Variants in B4GALNT2 observed in about 807,000 individuals in gnomAD.
B4GALNT2 encodes the protein beta-1,4-N-acetyl-galactosaminyltransferase 2 (SID blood group), also known as N-acetylneuraminylgalactosylglucosyl-glucoside beta-1,4-N- acetylgalactosaminyltransferase 2.
B4GALNT2 carries 42 observed loss-of-function variants against 51.1 expected under a neutral mutation model. The observed-to-expected ratio is 0.82, with a 90% CI of 0.64 to 1.06. The LOEUF (loss-of-function observed/expected upper bound fraction) is 1.06. Among genes scored for constraint, B4GALNT2 ranks in the 50% least tolerant of loss-of-function variants. The probability of loss-of-function intolerance (pLI) is 0.00; values close to 1 mark genes in which losing one functional copy is unlikely to be tolerated. For missense variants in B4GALNT2, 602 were observed against 633.6 expected, an observed-to-expected ratio of 0.95 and a Z score of 0.54; for synonymous variants, 253 against 251.7, an observed-to-expected ratio of 1.01 and a Z score of -0.05.
At chr17:49,143,401 G>A (rs2042664317) in intron 3 of B4GALNT2, among the ~76,000 whole-genome samples, 1 of 152,240 alleles carries the variant, frequency 6.6e-6, no homozygotes, top group African/African-American at 2.4e-5. Context: ...CAAATCCATA[G>A]GTGGTAGGAT....
intron 3 of B4GALNT2, among the ~76,000 whole-genome samples, chr17:49,150,960 A>G (rs1467562059): frequency 2.6e-5 from 4 of 152,150 alleles, no homozygotes; most frequent in Non-Finnish European, 4.4e-5. Context: ...TGCCTTTTTC[A>G]TATTACCGTA....
intron 3 of B4GALNT2, chr17:49,148,625 C>A: frequency 1.9e-6 from 1 of 537,280 alleles, no homozygotes; most frequent in Non-Finnish European, 3.5e-6. Context: ...TCCAGGCAAA[C>A]CGTTCCTGCA....
chr17:49,133,017 C>A (rs537781378), intron 1 of B4GALNT2: 3 of 1,477,424 alleles, frequency 2.0e-6, no homozygotes, highest in South Asian at 2.9e-5. Context: ...GAACTCTGCA[C>A]CCCCAGGAAT....
At chr17:49,132,213 C>T (rs898345614), upstream of B4GALNT2, among the ~76,000 whole-genome samples, 18 of 152,174 alleles carry the variant, frequency 1.2e-4, no homozygotes, top group African/African-American at 4.3e-4. Context: ...AACACTGAGC[C>T]TGGCTTATGA....
At position 49,148,254 on chromosome 17, in the gene B4GALNT2, C is replaced by A. The variant is rs1004912454; in HGVS notation, c.354-4546C>A. The A allele has an allele frequency of 1.5e-5, 4 of 259,972 alleles. No individual in the cohort carries two copies. The Admixed American group carries it at 2.0e-4, about 13-fold the overall frequency. The allele number at this position is 259,972 out of a possible 1,614,324, so 16.1% of individuals were successfully genotyped here. A position where few individuals can be genotyped will look rare whatever the true frequency, so the allele number is the denominator to read the frequency against. ...GGTGGCAGTGGCAGTGAGCTAAGAT[C>A]GTGCCGCTGCACTCCAGCCTGGGCG... On this transcript the variant is annotated intron_variant, in intron 3 of 10. Transcript: ENST00000393354.
At chr17:49,146,072 T>C (rs1342215398) in intron 3 of B4GALNT2, among the ~76,000 whole-genome samples, 1 of 152,152 alleles carries the variant, frequency 6.6e-6, no homozygotes, top group Non-Finnish European at 1.5e-5. Context: ...CTTTGATTCC[T>C]GGACCCGTGA....
At chr17:49,156,642 C>T (rs2042813514) in intron 5 of B4GALNT2, 39 bp downstream of exon 5, 1 of 1,604,922 alleles carries the variant, frequency 6.2e-7, no homozygotes, top group Non-Finnish European at 8.5e-7. Context: ...ACTTGGTGTC[C>T]TGTCCTCATT....
chr17:49,123,689 T>G, the B4GALNT2 span, among the ~76,000 whole-genome samples: 4 of 152,196 alleles, frequency 2.6e-5, no homozygotes, highest in Admixed American at 2.0e-4. Flanking sequence ...GCCATGGAAT[T>G]ATACCATTAA....
upstream of B4GALNT2, among the ~76,000 whole-genome samples, chr17:49,129,618 A>ATTTT (rs35573556): frequency 0.022 from 3,350 of 151,436 alleles, 111 homozygotes; most frequent in African/African-American, 0.075. Flanking sequence ...CTTCTGGCCG[A>ATTTT]TTTTTTGGTC....
At chr17:49,131,387 C>T (rs1334922782), upstream of B4GALNT2, among the ~76,000 whole-genome samples, 1 of 148,524 alleles carries the variant, frequency 6.7e-6, no homozygotes, top group East Asian at 2.0e-4. Context: ...GAACTTGGGA[C>T]TCACCTGCAT....
At chr17:49,158,986 AG>A (rs755017029) in intron 5 of B4GALNT2, 50 bp from the exon 6 acceptor site, 1 of 1,577,208 alleles carries the variant, frequency 6.3e-7, no homozygotes, top group South Asian at 1.1e-5. Flanking sequence ...CTTTCCAGGG[AG>A]ATATTTTCCA....
chr17:49,131,228 G>A (rs998053294), upstream of B4GALNT2, among the ~76,000 whole-genome samples: 2 of 152,084 alleles, frequency 1.3e-5, no homozygotes, highest in East Asian at 1.9e-4. Flanking sequence ...CTACATGCAC[G>A]TAGTCGGTAC....
Position 49,153,507 on chromosome 17 carries a change from A to T in B4GALNT2, c.460+601A>T, listed in dbSNP as rs539390676. Among the ~76,000 whole-genome samples the T allele has an allele frequency of 7.1e-3, 1,033 of 146,008 alleles. 5 individuals are homozygous for T. Among genetic ancestry groups the T allele is most frequent in the African/African-American group, 8.3e-3 (334 of 40,058 alleles). On this transcript the variant is annotated intron_variant, in intron 4 of 10. Transcript: ENST00000393354. ...AGCACAAGGCAAGAAGCTTGATGTG[A>T]TTTTTTTTTTTTTTATTGCGACGGA... is the stretch of plus-strand genomic sequence containing the variant.
chr17:49,153,043 C>T (rs552558135), intron 4 of B4GALNT2, 137 bp downstream of exon 4: 24 of 747,918 alleles, frequency 3.2e-5, no homozygotes, highest in African/African-American at 1.1e-4. Flanking sequence ...TTCAAGACTG[C>T]AGTGAGCTAT....
At chr17:49,167,670 C>T (rs1398344808) in intron 9 of B4GALNT2, among the ~76,000 whole-genome samples, 4 of 140,980 alleles carry the variant, frequency 2.8e-5, no homozygotes, top group African/African-American at 8.2e-5. Context: ...AGTGCAGTGG[C>T]GCAATCCTGG....
intron 3 of B4GALNT2, among the ~76,000 whole-genome samples, chr17:49,147,757 A>G (rs1469463387): frequency 6.6e-6 from 1 of 152,060 alleles, no homozygotes; most frequent in Non-Finnish European, 1.5e-5. Context: ...GTTCCCTTGT[A>G]AACCTAGCTA....
At chr17:49,139,787 AT>A (rs2042623237) in intron 1 of B4GALNT2, among the ~76,000 whole-genome samples, 1 of 152,250 alleles carries the variant, frequency 6.6e-6, no homozygotes, top group African/African-American at 2.4e-5. Flanking sequence ...AAGTGCTCAG[AT>A]TATGGGCATG....
At chr17:49,158,455 G>A (rs977165001) in intron 5 of B4GALNT2, among the ~76,000 whole-genome samples, 7 of 152,056 alleles carry the variant, frequency 4.6e-5, no homozygotes, top group Non-Finnish European at 4.4e-5. Context: ...CAAACACGGC[G>A]AAAGCCCGTC....
At chr17:49,132,661 G>A, upstream of B4GALNT2, 8 of 1,135,282 alleles carry the variant, frequency 7.0e-6, no homozygotes, top group Non-Finnish European at 9.2e-6. Flanking sequence ...AGAAGGGCGG[G>A]GGCCGTCCCA....
Sources: allele counts gnomAD v4.1 joint callset (sites outside exome capture counted in the v4.1 genomes callset), GRCh38; gene constraint gnomAD v4.1.1; transcripts MANE v1.5; gene names NCBI Gene and HGNC (gene_info 2026-07-23, HGNC 2026-07-21).